CACNA1A: variants seen among roughly 807,000 people sequenced by gnomAD.
The protein encoded by CACNA1A is calcium voltage-gated channel subunit alpha1 A, also known as voltage-dependent P/Q-type calcium channel subunit alpha-1A.
A neutral mutation model predicts 262.4 loss-of-function variants in CACNA1A; 57 were observed. The ratio of observed to expected loss-of-function variants is 0.22; its 90% CI spans 0.18 to 0.27. The LOEUF (loss-of-function observed/expected upper bound fraction) is 0.27, where lower values mean the gene tolerates loss of function less well. CACNA1A is among the 10% of genes least tolerant of loss of function. The pLI is 1.00. For synonymous variants in CACNA1A, 1,431 were observed against 1,419.3 expected, an observed-to-expected ratio of 1.01 and a Z score of -0.18; for missense variants, 2,526 against 3,562.8, an observed-to-expected ratio of 0.71 and a Z score of 7.41.
In CACNA1A at chr19:13,345,315, A is replaced by G. The variant is rs116169017; in HGVS notation, c.979-9406T>C. Among the ~76,000 whole-genome samples the G allele has an allele frequency of 3.5e-3, 538 of 152,262 alleles. 3 individuals carry two copies. The highest frequency in any genetic ancestry group is 0.012 in the African/African-American group (496 of 41,548). On this transcript the variant is annotated intron_variant, in intron 6 of 46. Transcript: ENST00000360228. ...GGGTGCAGATGGCATGGGTGGGACT[A>G]GACCCGTCATTCTGGCCTTTACAAC... is the stretch of plus-strand genomic sequence containing the variant.
intron 3 of CACNA1A, among the ~76,000 whole-genome samples, chr19:13,378,731 C>T (rs958509113): frequency 3.3e-5 from 5 of 150,788 alleles, no homozygotes; most frequent in Admixed American, 6.6e-5. Context: ...AGTGCAATCT[C>T]GGCTCACTGC....
At chr19:13,502,822 G>A (rs1982544503) in intron 1 of CACNA1A, among the ~76,000 whole-genome samples, 1 of 152,182 alleles carries the variant, frequency 6.6e-6, no homozygotes, top group South Asian at 2.1e-4. Flanking sequence ...AAGCAAGACT[G>A]CATCCTTCAC....
At chr19:13,399,258 TC>T (rs1013110588) in intron 3 of CACNA1A, among the ~76,000 whole-genome samples, 8 of 152,128 alleles carry the variant, frequency 5.3e-5, no homozygotes, top group Non-Finnish European at 1.0e-4. Flanking sequence ...TTAGGACTGA[TC>T]AGGTTTTTCT....
In CACNA1A at chr19:13,274,911, C is replaced by G. The variant is rs547440711; in HGVS notation, c.3989+939G>C. On this transcript the variant is annotated intron_variant, in intron 24 of 46. Transcript: ENST00000360228. ...TCAGGGACCATGTAAGAATGGCCAC[C>G]AAGAATCCAGAGGCCATCTTAGCAT... The G allele has an allele frequency of 2.6e-5, 4 of 151,998 alleles. No individual in the cohort carries two copies. The East Asian group carries it at 7.7e-4, about 29-fold the overall frequency. 9.4% of individuals were successfully genotyped at this position (151,998 alleles called of 1,614,324 possible).
chr19:13,468,120 T>C (rs1303318260), intron 1 of CACNA1A, among the ~76,000 whole-genome samples: 1 of 151,726 alleles, frequency 6.6e-6, no homozygotes, highest in Non-Finnish European at 1.5e-5. Flanking sequence ...TAAAGATCCC[T>C]TGATGAAAAC....
intron 27 of CACNA1A, chr19:13,259,208 C>T (rs2056653368): frequency 1.3e-5 from 2 of 157,032 alleles, no homozygotes; most frequent in Non-Finnish European, 2.8e-5. Context: ...TGCAGTGGTG[C>T]AATCTCGGCT....
At chr19:13,493,600 T>G (rs4926294) in intron 1 of CACNA1A, among the ~76,000 whole-genome samples, 109,444 of 152,230 alleles carry the variant, frequency 0.72, 40,342 homozygotes, top group African/African-American at 0.88. Flanking sequence ...ATCCTGAATA[T>G]ACCAGTCACC....
intron 19 of CACNA1A, among the ~76,000 whole-genome samples, chr19:13,296,273 C>T (rs1187173732): frequency 6.6e-6 from 1 of 152,140 alleles, no homozygotes; most frequent in Non-Finnish European, 1.5e-5. Flanking sequence ...TTGAGAAGTG[C>T]TGGCCTACCT....
chr19:13,299,455 C>T (rs961732546), intron 18 of CACNA1A, 102 bp from the exon 19 acceptor site: 12 of 914,442 alleles, frequency 1.3e-5, no homozygotes, highest in Non-Finnish European at 1.9e-5. Context: ...CACTCCTGCT[C>T]TCCACCCTCT....
At chr19:13,496,996 C>T (rs185116541) in intron 1 of CACNA1A, among the ~76,000 whole-genome samples, 12 of 152,240 alleles carry the variant, frequency 7.9e-5, no homozygotes, top group Admixed American at 2.0e-4. Flanking sequence ...CCCAAGATCA[C>T]GCAGCCAGTG....
chr19:13,421,840 T>C (rs11085847), intron 3 of CACNA1A, among the ~76,000 whole-genome samples: 49,616 of 152,004 alleles, frequency 0.33, 8,351 homozygotes, highest in East Asian at 0.41. Flanking sequence ...TTAAAACAGG[T>C]GCTCTCTGGG....
chr19:13,263,161 G>A (rs1267354557), intron 24 of CACNA1A: 3 of 267,588 alleles, frequency 1.1e-5, no homozygotes, highest in South Asian at 5.4e-5. Context: ...CCCCATTTCT[G>A]CACAGCTTTT....
intron 1 of CACNA1A, among the ~76,000 whole-genome samples, chr19:13,464,780 C>T (rs866660893): frequency 5.9e-5 from 9 of 151,864 alleles, no homozygotes; most frequent in Non-Finnish European, 1.3e-4. Flanking sequence ...GATCTCCTGA[C>T]CTTGTGATCT....
chr19:13,247,713 A>AAAATAAATAAATAAAAATAAATAAAT (rs2056284685), intron 30 of CACNA1A, among the ~76,000 whole-genome samples: 1 of 146,628 alleles, frequency 6.8e-6, no homozygotes, highest in Non-Finnish European at 1.5e-5. Context: ...TAAATAAATA[A>AAAATAAATAAATAAAAATAAATAAAT]AAATAAATAA....
chr19:13,464,047 G>C (rs1342661255), intron 1 of CACNA1A, among the ~76,000 whole-genome samples: 2 of 152,134 alleles, frequency 1.3e-5, no homozygotes, highest in Non-Finnish European at 2.9e-5. Context: ...AGTGCTCAAG[G>C]AATGTGAGTG....
At chr19:13,402,292 A>C (rs889006570) in intron 3 of CACNA1A, among the ~76,000 whole-genome samples, 2 of 152,202 alleles carry the variant, frequency 1.3e-5, no homozygotes, top group African/African-American at 4.8e-5. Flanking sequence ...ATACAGAAAC[A>C]AGAAGGGATC....
chr19:13,213,476 C>T lies in CACNA1A; in HGVS notation c.5941-736G>A, dbSNP rs1302144975. 7.9e-5 allele frequency among the ~76,000 whole-genome samples: 12 copies of T among 152,246 alleles called. 1 individual carries two copies. The highest frequency in any genetic ancestry group is 6.2e-4 in the South Asian group (3 of 4,814). ...TTCTTTCTCTTTGCTGGATGTTGCA[C>T]GATTCAGTCATTTGCTACCATTGGC... On this transcript the variant is annotated intron_variant, in intron 40 of 46. Transcript: ENST00000360228.
At chr19:13,277,610 G>A (rs963716265) in intron 22 of CACNA1A, 1 of 157,714 alleles carries the variant, frequency 6.3e-6, no homozygotes, top group African/African-American at 2.4e-5. Context: ...CCTGCTTCAA[G>A]GCCAGGCCCC....
At chr19:13,488,156 T>G (rs1980261893) in intron 1 of CACNA1A, among the ~76,000 whole-genome samples, 1 of 152,196 alleles carries the variant, frequency 6.6e-6, no homozygotes, top group African/African-American at 2.4e-5. Flanking sequence ...TCTCTAGTTT[T>G]AGAGAGAAGG....
Sources: allele counts gnomAD v4.1 joint callset (sites outside exome capture counted in the v4.1 genomes callset), GRCh38; gene constraint gnomAD v4.1.1; transcripts MANE v1.5; gene names NCBI Gene and HGNC (gene_info 2026-07-23, HGNC 2026-07-21).